Variants in PPP1R12A observed in about 807,000 individuals in gnomAD.
PPP1R12A encodes protein phosphatase 1 regulatory subunit 12A, also known as myosin binding subunit.
In PPP1R12A, 19 loss-of-function variants were observed where a neutral mutation model predicts 139.6. That is an observed-to-expected ratio of 0.14 (90% CI 0.09 to 0.20). The LOEUF (loss-of-function observed/expected upper bound fraction) is 0.20, where lower values mean the gene tolerates loss of function less well. Among genes scored for constraint, PPP1R12A ranks in the 10% least tolerant of loss-of-function variants. PPP1R12A has a pLI of 1.00. For synonymous variants in PPP1R12A, 427 were observed against 420.6 expected, an observed-to-expected ratio of 1.02 and a Z score of -0.19; for missense variants, 925 against 1,211.5, an observed-to-expected ratio of 0.76 and a Z score of 3.51.
At chr12:79,867,934 C>A (rs559184778) in intron 2 of PPP1R12A, among the ~76,000 whole-genome samples, 2 of 152,256 alleles carry the variant, frequency 1.3e-5, no homozygotes, top group East Asian at 3.9e-4. Context: ...CCTCCCCAGC[C>A]CTGTGGAACT....
intron 2 of PPP1R12A, among the ~76,000 whole-genome samples, chr12:79,870,267 T>C (rs1190226246): frequency 2.0e-5 from 3 of 152,034 alleles, no homozygotes; most frequent in Non-Finnish European, 2.9e-5. Flanking sequence ...GGACACATCA[T>C]TGTAACTGGC....
At chr12:79,807,390 G>A (rs1421333564) in intron 11 of PPP1R12A, 60 bp from the exon 12 acceptor site, 14 of 1,027,176 alleles carry the variant, frequency 1.4e-5, no homozygotes, top group South Asian at 5.7e-5. Flanking sequence ...TTAAGAAAGC[G>A]GTACACTAGT....
At chr12:79,812,383 T>C (rs1874662940) in intron 9 of PPP1R12A, among the ~76,000 whole-genome samples, 1 of 44,148 alleles carries the variant, frequency 2.3e-5, no homozygotes, top group African/African-American at 5.0e-5. Context: ...TGACTGACTC[T>C]GTGTGTGCGT....
intron 1 of PPP1R12A, among the ~76,000 whole-genome samples, chr12:79,909,548 AAC>A (rs1886392602): frequency 6.6e-6 from 1 of 151,966 alleles, no homozygotes; most frequent in Non-Finnish European, 1.5e-5. Context: ...CATCCTCACC[AAC>A]ACAGTGAAAC....
chr12:79,776,625 A>G (rs1489849431), intron 24 of PPP1R12A, among the ~76,000 whole-genome samples: 1 of 152,130 alleles, frequency 6.6e-6, no homozygotes, highest in African/African-American at 2.4e-5. Flanking sequence ...GCTAAAGTAG[A>G]AAGTCTGTAT....
intron 1 of PPP1R12A, among the ~76,000 whole-genome samples, chr12:79,925,447 G>A (rs1427928168): frequency 6.6e-6 from 1 of 152,160 alleles, no homozygotes; most frequent in African/African-American, 2.4e-5. Flanking sequence ...GTTAAACTAA[G>A]AAAATAGTAA....
At chr12:79,795,806 A>G (rs765294449) in intron 17 of PPP1R12A, 47 bp from the exon 18 acceptor site, 1 of 1,576,000 alleles carries the variant, frequency 6.3e-7, no homozygotes, top group South Asian at 1.1e-5. Flanking sequence ...TATCTTGACA[A>G]TATTTTGCAA....
At chr12:79,903,906 C>T (rs940956449) in intron 1 of PPP1R12A, among the ~76,000 whole-genome samples, 2 of 152,160 alleles carry the variant, frequency 1.3e-5, no homozygotes. Flanking sequence ...TCCCTCCCAA[C>T]ACATTAGATA....
intron 1 of PPP1R12A, among the ~76,000 whole-genome samples, chr12:79,909,727 TAAA>T (rs146614526): frequency 4.2e-3 from 606 of 143,248 alleles, no homozygotes; most frequent in Non-Finnish European, 4.6e-3. Flanking sequence ...AACTCCGTCT[TAAA>T]AAAAAAAAAA....
At position 79,841,068 on chromosome 12, in the gene PPP1R12A, A is replaced by G. The variant is rs563677647; in HGVS notation, c.487+4234T>C. On this transcript the variant is annotated intron_variant, in intron 3 of 24. Coordinates refer to ENST00000450142, the MANE Select transcript of PPP1R12A (RefSeq NM_002480.3). ...TTTTTATTTAAAAAAAAAAAAAAAA[A>G]AGAGAGAGAGAGAGAGACAAGGTCT... Among the ~76,000 whole-genome samples, 527 of 150,180 alleles carry G rather than the reference A, an allele frequency of 3.5e-3. 2 individuals are homozygous for G. Among genetic ancestry groups the G allele is most frequent in the East Asian group, 7.2e-3 (37 of 5,134 alleles).
intron 1 of PPP1R12A, among the ~76,000 whole-genome samples, chr12:79,928,138 A>G (rs1037015082): frequency 6.6e-6 from 1 of 152,206 alleles, no homozygotes; most frequent in Non-Finnish European, 1.5e-5. Flanking sequence ...TAAATGTGGT[A>G]ATAACAAATG....
chr12:79,900,945 A>G (rs984662154), intron 1 of PPP1R12A, among the ~76,000 whole-genome samples: 2 of 152,220 alleles, frequency 1.3e-5, no homozygotes, highest in African/African-American at 4.8e-5. Context: ...TGTGAAGAGA[A>G]TCCTTCATAC....
intron 1 of PPP1R12A, among the ~76,000 whole-genome samples, chr12:79,882,120 C>T (rs529771540): frequency 6.6e-6 from 1 of 152,348 alleles, no homozygotes; most frequent in Non-Finnish European, 1.5e-5. Context: ...GCTAACAAAA[C>T]ATCCATTCTG....
chr12:79,794,543 A>C (rs1336057785), intron 18 of PPP1R12A, among the ~76,000 whole-genome samples: 3 of 152,062 alleles, frequency 2.0e-5, no homozygotes, highest in Non-Finnish European at 4.4e-5. Context: ...AATTAAAAAA[A>C]AGTTCAGAAA....
rs572590353 is a variant in PPP1R12A, at chr12:79,810,298, C to A, written c.1240-288G>T. Among the ~76,000 whole-genome samples the A allele has an allele frequency of 3.9e-5, 6 of 152,230 alleles. No individual in the cohort carries two copies. In the South Asian group the frequency reaches 1.2e-3, roughly 32 times the overall value. On this transcript the variant is annotated intron_variant, in intron 9 of 24. Transcript: ENST00000450142. ...AATACAGAAAACAGAAATGAGCACA[C>A]CATAAGGACTTAAAACCATGCATCT...
intron 2 of PPP1R12A, among the ~76,000 whole-genome samples, chr12:79,869,740 T>G (rs556566243): frequency 6.6e-6 from 1 of 152,206 alleles, no homozygotes; most frequent in Admixed American, 6.5e-5. Flanking sequence ...CTTTCCAATT[T>G]TATAAATAAT....
chr12:79,794,466 A>G (rs892451824), intron 18 of PPP1R12A, among the ~76,000 whole-genome samples: 41 of 152,036 alleles, frequency 2.7e-4, no homozygotes, highest in Non-Finnish European at 7.4e-5. Context: ...GCAAATGACA[A>G]TGTTATTTGT....
At chr12:79,928,813 G>A (rs1482978339) in intron 1 of PPP1R12A, among the ~76,000 whole-genome samples, 1 of 152,144 alleles carries the variant, frequency 6.6e-6, no homozygotes, top group East Asian at 1.9e-4. Context: ...TTACTGACGA[G>A]AGGATCACAT....
intron 1 of PPP1R12A, among the ~76,000 whole-genome samples, chr12:79,873,607 T>C (rs565877005): frequency 1.3e-5 from 2 of 151,298 alleles, no homozygotes; most frequent in African/African-American, 4.9e-5. Context: ...AAGGCTGCAA[T>C]GAACTATGAT....
Sources: allele counts gnomAD v4.1 joint callset (sites outside exome capture counted in the v4.1 genomes callset), GRCh38; gene constraint gnomAD v4.1.1; transcripts MANE v1.5; gene names NCBI Gene and HGNC (gene_info 2026-07-23, HGNC 2026-07-21).